The following TRPS1 variants were observed in gnomAD, a reference collection of about 807,000 sequenced individuals.
TRPS1 encodes the protein zinc finger transcription factor Trps1.
Under a neutral mutation model 101.2 loss-of-function variants are expected in TRPS1, and 6 were observed. The ratio of observed to expected loss-of-function variants is 0.06; its 90% CI spans 0.03 to 0.12. TRPS1 has a LOEUF of 0.12. Ranked by LOEUF, TRPS1 falls within the 10% of genes least tolerant of loss-of-function variation. TRPS1 has a pLI of 1.00. For synonymous variants in TRPS1, 578 were observed against 589.8 expected (o/e 0.98, Z 0.29); for missense variants, 1,363 against 1,567.0 (o/e 0.87, Z 2.20).
At position 115,414,732 on chromosome 8, in the gene TRPS1, G is replaced by A. The variant is rs1387450804; in HGVS notation, c.3176C>T (p.Thr1059Ile). 1.9e-6 allele frequency: 3 copies of A among 1,614,032 alleles called. No individual in the cohort carries two copies. The highest frequency in any genetic ancestry group is 2.5e-6 in the Non-Finnish European group (3 of 1,179,946). The change falls in exon 7 of 7, where the codon ACT becomes ATT. Residue 1059 changes from threonine to isoleucine, a missense_variant. Thr to Ile is a moderately conservative substitution (Grantham distance 89). Transcript: ENST00000395715. The surrounding 1 kb of genome is among the most constrained non-coding windows in gnomAD (Gnocchi z 4.8). ...GGATGAACTATTTCCTGGATCTCCA[G>A]TACTTTCCTGAGGACTTTTTATCTG... ...HIQIKSPQES[T>I]GDPGNSSSVS...
chr8:115,479,973 G>T (rs1336779274), intron 5 of TRPS1, among the ~76,000 whole-genome samples: 2 of 152,136 alleles, frequency 1.3e-5, no homozygotes, highest in Non-Finnish European at 2.9e-5. Flanking sequence ...CAATGAAGCA[G>T]AGGCGAGGCA....
chr8:115,538,873 C>CAGT (rs1233403517), intron 5 of TRPS1, among the ~76,000 whole-genome samples: 1 of 152,134 alleles, frequency 6.6e-6, no homozygotes, highest in Non-Finnish European at 1.5e-5. Context: ...AGTTTGAACT[C>CAGT]AGTTCTTCTA....
At chr8:115,565,079 G>A (rs899674184) in intron 5 of TRPS1, among the ~76,000 whole-genome samples, 4 of 152,058 alleles carry the variant, frequency 2.6e-5, no homozygotes, top group Admixed American at 2.0e-4. Flanking sequence ...TTACTGCCCC[G>A]TGGGAATAGA....
intron 1 of TRPS1, among the ~76,000 whole-genome samples, chr8:115,642,839 C>A (rs925504989): frequency 1.0e-5 from 1 of 98,098 alleles, no homozygotes; most frequent in Non-Finnish European, 1.8e-5. Flanking sequence ...ATGCTTACTT[C>A]GTGAAAAAAA....
chr8:115,538,942 A>AT (rs895147457), intron 5 of TRPS1, among the ~76,000 whole-genome samples: 1 of 152,204 alleles, frequency 6.6e-6, no homozygotes, highest in African/African-American at 2.4e-5. Flanking sequence ...AAAGTAAAGT[A>AT]TTCTCTTACC....
At chr8:115,486,982 T>C (rs1477415191) in intron 5 of TRPS1, among the ~76,000 whole-genome samples, 2 of 152,348 alleles carry the variant, frequency 1.3e-5, no homozygotes, top group South Asian at 4.1e-4. Flanking sequence ...AAAGGTGCCA[T>C]CTAGGGCTAT....
intron 5 of TRPS1, among the ~76,000 whole-genome samples, chr8:115,531,250 G>A (rs1227903189): frequency 6.6e-6 from 1 of 152,124 alleles, no homozygotes; most frequent in Non-Finnish European, 1.5e-5. Context: ...TGAAGTAATA[G>A]AGAAAGGCTT....
chr8:115,579,068 G>A (rs575882137), intron 5 of TRPS1, among the ~76,000 whole-genome samples: 1 of 152,086 alleles, frequency 6.6e-6, no homozygotes, highest in South Asian at 2.1e-4. Flanking sequence ...CCAAGCCTCA[G>A]TTTACTCATT....
chr8:115,657,791 G>C (rs528437490), intron 1 of TRPS1, among the ~76,000 whole-genome samples: 1 of 151,976 alleles, frequency 6.6e-6, no homozygotes, highest in Admixed American at 6.6e-5. Flanking sequence ...TCCATGCAAC[G>C]CATTTCCACA....
intron 5 of TRPS1, among the ~76,000 whole-genome samples, chr8:115,463,261 G>A (rs1289644945): frequency 6.6e-6 from 1 of 152,048 alleles, no homozygotes; most frequent in Non-Finnish European, 1.5e-5. Context: ...ATTCCTCTTA[G>A]GTGTACTGAA....
At chr8:115,578,987 C>G (rs750618931) in intron 5 of TRPS1, among the ~76,000 whole-genome samples, 1 of 151,998 alleles carries the variant, frequency 6.6e-6, no homozygotes, top group Non-Finnish European at 1.5e-5. Flanking sequence ...AGCAGGGACT[C>G]TAGAATTGCC....
At chr8:115,649,188 T>C (rs1811504152) in intron 1 of TRPS1, among the ~76,000 whole-genome samples, 1 of 152,250 alleles carries the variant, frequency 6.6e-6, no homozygotes, top group African/African-American at 2.4e-5. Context: ...ATGTCTCATA[T>C]ATAAAGGTGA....
intron 1 of TRPS1, among the ~76,000 whole-genome samples, chr8:115,629,062 G>A (rs1439859838): frequency 6.6e-6 from 1 of 151,646 alleles, no homozygotes; most frequent in Non-Finnish European, 1.5e-5. Flanking sequence ...ATGTTCTGAT[G>A]AACACAGTGG....
intron 5 of TRPS1, among the ~76,000 whole-genome samples, chr8:115,556,997 C>T (rs922607526): frequency 2.2e-4 from 34 of 152,114 alleles, no homozygotes; most frequent in African/African-American, 8.2e-4. Flanking sequence ...GTTTAATGGA[C>T]TTACAATTCC....
chr8:115,599,334 T>A (rs936528964), intron 4 of TRPS1, among the ~76,000 whole-genome samples: 49 of 152,282 alleles, frequency 3.2e-4, no homozygotes, highest in Non-Finnish European at 5.1e-4. Flanking sequence ...GATTTTTTTT[T>A]AATTTTACTT....
chr8:115,535,214 CATATATAGCAT>C (rs1816262758), intron 5 of TRPS1, among the ~76,000 whole-genome samples: 6 of 139,300 alleles, frequency 4.3e-5, no homozygotes, highest in South Asian at 2.2e-4. Flanking sequence ...ATATGTATAG[CATATATAGCAT>C]ATATATATAG....
intron 5 of TRPS1, among the ~76,000 whole-genome samples, chr8:115,442,878 T>C (rs1296416709): frequency 6.6e-6 from 1 of 151,578 alleles, no homozygotes; most frequent in South Asian, 2.1e-4. Flanking sequence ...GATCACGACG[T>C]CAGGAGATCG....
intron 5 of TRPS1, among the ~76,000 whole-genome samples, chr8:115,581,003 G>C (rs996801258): frequency 2.0e-5 from 3 of 152,078 alleles, no homozygotes; most frequent in Non-Finnish European, 2.9e-5. Context: ...CAGCCTAGGT[G>C]TCCAACGACA....
At chr8:115,556,103 A>G (rs1000931151) in intron 5 of TRPS1, among the ~76,000 whole-genome samples, 6 of 152,190 alleles carry the variant, frequency 3.9e-5, no homozygotes, top group African/African-American at 1.2e-4. Flanking sequence ...CAACTACTCT[A>G]CATGTGGATC....
Sources: gnomAD v4.1 joint callset for allele counts (sites outside exome capture counted in the v4.1 genomes callset) on GRCh38, gnomAD v4.1.1 for gene constraint, Gnocchi (gnomAD v3.1) non-coding constraint, MANE v1.5 for transcripts, NCBI Gene and HGNC (gene_info 2026-07-23, HGNC 2026-07-21) for gene names.